Variants in ITGA8 observed in about 807,000 individuals in gnomAD.
The protein encoded by ITGA8 is integrin alpha-8.
In ITGA8, 91 loss-of-function variants were observed where a neutral mutation model predicts 142.3. That is an observed-to-expected ratio of 0.64 (90% CI 0.54 to 0.76). The LOEUF is 0.76. Ranked by LOEUF, ITGA8 falls within the 30% of genes least tolerant of loss-of-function variation. The pLI is 0.00. For synonymous variants in ITGA8, 505 were observed against 485.2 expected, an observed-to-expected ratio of 1.04 and a Z score of -0.54; for missense variants, 1,406 against 1,327.7, an observed-to-expected ratio of 1.06 and a Z score of -0.92.
chr10:15,648,973 C>T (rs549077497), intron 11 of ITGA8, among the ~76,000 whole-genome samples: 5 of 152,034 alleles, frequency 3.3e-5, no homozygotes, highest in East Asian at 1.9e-4. Context: ...ATGAAATTAA[C>T]GCTGGGTATC....
At chr10:15,630,371 A>G (rs535211003) in intron 13 of ITGA8, among the ~76,000 whole-genome samples, 3 of 152,172 alleles carry the variant, frequency 2.0e-5, no homozygotes, top group African/African-American at 4.8e-5. Flanking sequence ...ACAAATATCG[A>G]CAAGTTGCCT....
intron 6 of ITGA8, among the ~76,000 whole-genome samples, chr10:15,677,300 A>T (rs570026603): frequency 5.9e-5 from 9 of 152,230 alleles, no homozygotes; most frequent in African/African-American, 2.2e-4. Flanking sequence ...AAATGTTCCC[A>T]ACACAAATGA....
chr10:15,623,291 AGGCAGTCT>A (rs1490985611), intron 13 of ITGA8, among the ~76,000 whole-genome samples: 1 of 152,202 alleles, frequency 6.6e-6, no homozygotes, highest in Non-Finnish European at 1.5e-5. Context: ...GTTTAAACCC[AGGCAGTCT>A]GGCTCCTGAA....
At chr10:15,590,868 T>G (rs1832909968) in intron 22 of ITGA8, among the ~76,000 whole-genome samples, 1 of 152,142 alleles carries the variant, frequency 6.6e-6, no homozygotes, top group African/African-American at 2.4e-5. Context: ...TAAGTTAAAT[T>G]CAAGAAAGAT....
intron 2 of ITGA8, 106 bp downstream of exon 2, chr10:15,718,660 G>A (rs1835498264): frequency 2.1e-6 from 3 of 1,410,632 alleles, no homozygotes; most frequent in Non-Finnish European, 2.9e-6. Context: ...GGACATATCA[G>A]ACAAGCTAAA....
At chr10:15,619,743 T>C (rs1833455496) in intron 13 of ITGA8, among the ~76,000 whole-genome samples, 1 of 152,144 alleles carries the variant, frequency 6.6e-6, no homozygotes. Flanking sequence ...GAGCTACCGA[T>C]TTGAAGAAAC....
intron 13 of ITGA8, among the ~76,000 whole-genome samples, chr10:15,631,003 C>G (rs1833675998): frequency 6.6e-6 from 1 of 151,874 alleles, no homozygotes; most frequent in Admixed American, 6.5e-5. Context: ...CCTTCATGCA[C>G]TTTTTGATGG....
At position 15,536,427 on chromosome 10, in the gene ITGA8, C is replaced by G. The variant is rs561199267; in HGVS notation, c.2881-5276G>C. Among the ~76,000 whole-genome samples the G allele has an allele frequency of 5.3e-5, 8 of 152,274 alleles. No individual in the cohort carries two copies. The South Asian group carries it at 1.7e-3, about 32-fold the overall frequency. Reference sequence around the variant, plus strand: ...TCTGCGTTGTAGATCAGAGGCATGGCACAGGTGAGTATTTAATAACTCATG... The same window carrying G: ...TCTGCGTTGTAGATCAGAGGCATGGGACAGGTGAGTATTTAATAACTCATG... On this transcript the variant is annotated intron_variant, in intron 27 of 29. Coordinates refer to ENST00000378076, the MANE Select transcript of ITGA8 (RefSeq NM_003638.3).
Position 15,719,843 on chromosome 10 carries a change from G to A in ITGA8, c.-72C>T. The A allele has an allele frequency of 1.8e-6, 2 of 1,133,632 alleles. No homozygotes were observed. Among genetic ancestry groups the A allele is most frequent in the Non-Finnish European group, 2.3e-6 (2 of 880,978 alleles). 70.2% of individuals were successfully genotyped at this position (1,133,632 alleles called of 1,614,324 possible). On this transcript the variant is annotated 5_prime_UTR_variant, in exon 1 of 30. Coordinates refer to ENST00000378076, the MANE Select transcript of ITGA8 (RefSeq NM_003638.3). ...GGACCCCTGCGGGGCAAGGGGGGCT[G>A]GTGGAATCTGGCGGTCCCCAGCTGC...
chr10:15,535,665 C>T (rs1833415663), intron 27 of ITGA8, among the ~76,000 whole-genome samples: 1 of 152,070 alleles, frequency 6.6e-6, no homozygotes, highest in Non-Finnish European at 1.5e-5. Context: ...GTAAACGCAC[C>T]AATCAGCACC....
At chr10:15,646,146 G>T (rs1262737786) in intron 12 of ITGA8, among the ~76,000 whole-genome samples, 1 of 152,144 alleles carries the variant, frequency 6.6e-6, no homozygotes, top group African/African-American at 2.4e-5. Flanking sequence ...GCTATTACAG[G>T]ATAGCCAACA....
intron 28 of ITGA8, among the ~76,000 whole-genome samples, chr10:15,527,906 CTTTTTTTTTTTTTTT>C (rs34758919): frequency 1.3e-5 from 1 of 78,036 alleles, no homozygotes; most frequent in Non-Finnish European, 2.3e-5. Flanking sequence ...TTCGGCTGGG[CTTTTTTTTTTTTTTT>C]TTTTTTTTTT....
chr10:15,668,636 A>G (rs894102505), intron 8 of ITGA8, among the ~76,000 whole-genome samples: 28 of 152,094 alleles, frequency 1.8e-4, no homozygotes, highest in Admixed American at 1.0e-3. Flanking sequence ...ACAATTTGGC[A>G]TGTTTTTGCA....
At position 15,636,618 on chromosome 10, in the gene ITGA8, C is replaced by T. The variant is rs371049645; in HGVS notation, c.1399+7412G>A. On this transcript the variant is annotated intron_variant, in intron 13 of 29. Coordinates refer to ENST00000378076, the MANE Select transcript of ITGA8 (RefSeq NM_003638.3). ...GCATTCAAATCTGAGTCATCTTTTA[C>T]ACCCACCTCTTCCTTACCTCCTGCC... Among the ~76,000 whole-genome samples the T allele has an allele frequency of 6.6e-5, 10 of 152,298 alleles. No individual in the cohort carries two copies. The East Asian group carries it at 1.7e-3, about 26-fold the overall frequency.
intron 21 of ITGA8, among the ~76,000 whole-genome samples, chr10:15,596,157 C>T (rs540197383): frequency 6.6e-6 from 1 of 152,322 alleles, no homozygotes; most frequent in South Asian, 2.1e-4. Context: ...TCTAATATCT[C>T]AGTGTAAACA....
intron 23 of ITGA8, among the ~76,000 whole-genome samples, chr10:15,576,676 A>G (rs1834303887): frequency 1.3e-5 from 2 of 152,174 alleles, no homozygotes; most frequent in Admixed American, 1.3e-4. Flanking sequence ...ATTTCTGTAT[A>G]TCTCTCTTTC....
At chr10:15,635,294 T>C (rs1833755120) in intron 13 of ITGA8, among the ~76,000 whole-genome samples, 1 of 152,178 alleles carries the variant, frequency 6.6e-6, no homozygotes, top group Admixed American at 6.5e-5. Context: ...CATAAGCCAC[T>C]GCGCCCGGCC....
chr10:15,651,546 T>C (rs914145732), intron 11 of ITGA8, among the ~76,000 whole-genome samples: 12 of 151,568 alleles, frequency 7.9e-5, no homozygotes, highest in African/African-American at 2.9e-4. Context: ...TTTTTTTTCG[T>C]GATGTTGAGA....
intron 23 of ITGA8, among the ~76,000 whole-genome samples, chr10:15,581,074 C>A (rs1373564377): frequency 1.3e-5 from 2 of 152,154 alleles, no homozygotes; most frequent in African/African-American, 4.8e-5. Context: ...TCTTTGTTTG[C>A]CTGGGGCCTT....
Sources: allele counts gnomAD v4.1 joint callset (sites outside exome capture counted in the v4.1 genomes callset), GRCh38; gene constraint gnomAD v4.1.1; transcripts MANE v1.5; gene names NCBI Gene and HGNC (gene_info 2026-07-23, HGNC 2026-07-21).